Variants in SFI1 observed in about 807,000 individuals in gnomAD.
The protein encoded by SFI1 is SFI1 centrin binding protein.
In SFI1, 195 loss-of-function variants were observed where a neutral mutation model predicts 207.5. That is an observed-to-expected ratio of 0.94 (90% confidence interval 0.84 to 1.06). The LOEUF is 1.06. SFI1 is among the 50% of genes least tolerant of loss of function. The pLI is 0.00. For missense variants in SFI1, 1,634 were observed against 1,588.0 expected (o/e 1.03, Z -0.49); for synonymous variants, 630 against 598.9 (o/e 1.05, Z -0.76).
intron 4 of SFI1, among the ~76,000 whole-genome samples, chr22:31,531,531 G>A (rs1247346394): frequency 3.3e-5 from 5 of 152,110 alleles, no homozygotes; most frequent in Admixed American, 6.6e-5. Context: ...AGGCCGAGGC[G>A]GGTGAATCAT....
intron 11 of SFI1, 70 bp from the exon 12 acceptor site, chr22:31,580,202 C>G (rs1447887040): frequency 8.0e-7 from 1 of 1,248,692 alleles, no homozygotes; most frequent in East Asian, 2.4e-5. Flanking sequence ...TGTTTGCCTT[C>G]CTCTACTCTT....
chr22:31,500,404 C>T (rs187388020), intron 1 of SFI1, among the ~76,000 whole-genome samples: 33 of 152,162 alleles, frequency 2.2e-4, no homozygotes, highest in Middle Eastern at 6.8e-3. Flanking sequence ...AATATTACAA[C>T]TCACTGAAGA....
chr22:31,613,664 G>A lies in SFI1; in HGVS notation c.2805G>A (p.Leu935=), dbSNP rs771472550. 1.2e-6 allele frequency: 2 copies of A among 1,608,354 alleles called. No homozygotes were observed. The highest frequency in any genetic ancestry group is 2.2e-5 in the East Asian group (1 of 44,804). Residue 935 remains leucine (L), a synonymous_variant, in exon 27 of 33, where the codon CTG becomes CTA. Coordinates refer to ENST00000400288, the MANE Select transcript of SFI1 (RefSeq NM_001007467.3). The part of the protein sequence containing the change: ...RCATLWKQKV[L]GRGGKPQPLA... ...CCACGCTCTGGAAACAGAAAGTGCT[G>A]GGCCGGGGCGGGAAGCCTCAGCCCC...
Position 31,614,792 on chromosome 22 carries a change from C to T in SFI1, c.3000C>T (p.Asn1000=). 6.2e-7 allele frequency: 1 copy of T among 1,613,894 alleles called. No individual in the cohort carries two copies. ...CAGACCCCATGTTTCTTTCCAGCAA[C>T]ACTGCCCACTCAGCGAGGAAGCAGC... ...AAEEPHALEL[N]TAHSARKQPR... Residue 1000 remains asparagine (N), a synonymous_variant, in exon 28 of 33, where the codon AAC becomes AAT. Coordinates refer to ENST00000400288, the MANE Select transcript of SFI1 (RefSeq NM_001007467.3).
chr22:31,603,915 C>T, intron 18 of SFI1, 96 bp downstream of exon 18: 1 of 1,133,376 alleles, frequency 8.8e-7, no homozygotes, highest in South Asian at 1.5e-5. Context: ...GCCACACCAC[C>T]TACCTCTGAG....
At chr22:31,513,561 CGTTTTGTTTT>C (rs140696308) in intron 2 of SFI1, among the ~76,000 whole-genome samples, 12 of 146,008 alleles carry the variant, frequency 8.2e-5, no homozygotes, top group Non-Finnish European at 1.0e-4. Context: ...TTTGGTTTTT[CGTTTTGTTTT>C]GTTTTGTTTT....
chr22:31,614,005 C>G, intron 27 of SFI1, 150 bp downstream of exon 27: 2 of 1,075,018 alleles, frequency 1.9e-6, no homozygotes, highest in Non-Finnish European at 2.6e-6. Context: ...CTTCTCCAGC[C>G]AGATCCCATC....
At chr22:31,591,515 A>G (rs1199288632) in intron 15 of SFI1, among the ~76,000 whole-genome samples, 4 of 148,084 alleles carry the variant, frequency 2.7e-5, no homozygotes, top group Non-Finnish European at 6.0e-5. Context: ...GGCCGGGCAG[A>G]GGGGCTCCTC....
In SFI1 at chr22:31,582,610, T is replaced by G. The variant is rs1294600901; in HGVS notation, c.1249-1265T>G. Among the ~76,000 whole-genome samples, 3 of 152,246 alleles carry G rather than the reference T, an allele frequency of 2.0e-5. No individual in the cohort carries two copies. The East Asian group carries it at 5.8e-4, about 29-fold the overall frequency. On this transcript the variant is annotated intron_variant, in intron 12 of 32. Transcript: ENST00000400288. ...CACTTAAACTTTATCACCTTAACCA[T>G]TTTTAAGTGTACAGTTCAGTGACAT...
At chr22:31,597,096 C>CA (rs1465054195) in intron 15 of SFI1, among the ~76,000 whole-genome samples, 3 of 152,202 alleles carry the variant, frequency 2.0e-5, no homozygotes, top group Non-Finnish European at 4.4e-5. Context: ...AAAACATGCA[C>CA]ACACAGTACC....
intron 2 of SFI1, among the ~76,000 whole-genome samples, chr22:31,521,828 A>C (rs910660179): frequency 6.6e-6 from 1 of 151,296 alleles, no homozygotes; most frequent in African/African-American, 2.4e-5. Context: ...CAGTGGCGTG[A>C]TCTTGGCTCA....
chr22:31,558,076 ATT>A (rs992280920), intron 7 of SFI1, among the ~76,000 whole-genome samples: 1 of 152,162 alleles, frequency 6.6e-6, no homozygotes, highest in African/African-American at 2.4e-5. Context: ...TCCAACCTGT[ATT>A]ATTGGGTCAT....
In SFI1 at chr22:31,615,258, CG is replaced by C; in HGVS notation, c.3283del (p.Ala1095ArgfsTer92). On this transcript the variant is annotated frameshift_variant, in exon 29 of 33. Coordinates refer to ENST00000400288, the MANE Select transcript of SFI1 (RefSeq NM_001007467.3). LOFTEE classifies it high-confidence loss of function. ...TGCCTCTTTCCTCCTTCATGCCCTG[CG>C]GGGCGGCTGCACCAGCCAGGGTACG... Reference protein sequence around the residue: ...LLPLSSFMPCGAAAPARVSAQ... With the variant: ...LLPLSSFMPCXAAAPARVSAQ... 1 of 1,506,450 alleles carries C rather than the reference CG, an allele frequency of 6.6e-7. No individual in the cohort carries two copies. The highest frequency in any genetic ancestry group is 8.8e-7 in the Non-Finnish European group (1 of 1,134,872). 93.3% of individuals were successfully genotyped at this position (1,506,450 alleles called of 1,614,324 possible). A position where few individuals can be genotyped will look rare whatever the true frequency, so the allele number is the denominator to read the frequency against.
intron 27 of SFI1, chr22:31,614,331 C>T (rs1449167048): frequency 8.2e-6 from 3 of 363,792 alleles, no homozygotes; most frequent in African/African-American, 6.3e-5. Context: ...CAAACCCTAA[C>T]CTGCCCTGCC....
intron 12 of SFI1, 102 bp downstream of exon 12, chr22:31,580,466 CTT>C (rs984950487): frequency 1.0e-5 from 5 of 493,884 alleles, no homozygotes; most frequent in Non-Finnish European, 1.5e-5. Flanking sequence ...TTTAAAAAAA[CTT>C]TTTGTGCTTC....
At chr22:31,511,725 C>T (rs1018341269) in intron 2 of SFI1, among the ~76,000 whole-genome samples, 10 of 152,088 alleles carry the variant, frequency 6.6e-5, no homozygotes, top group African/African-American at 2.4e-4. Flanking sequence ...GTGATCTTGG[C>T]TCACTGAAGC....
At chr22:31,511,656 T>TTTTG (rs1016856155) in intron 2 of SFI1, among the ~76,000 whole-genome samples, 2 of 151,872 alleles carry the variant, frequency 1.3e-5, no homozygotes, top group Non-Finnish European at 2.9e-5. Flanking sequence ...CCTTTAAGTT[T>TTTTG]TTTGTTTGTT....
At chr22:31,528,356 C>T (rs1279270985) in intron 2 of SFI1, among the ~76,000 whole-genome samples, 1 of 151,790 alleles carries the variant, frequency 6.6e-6, no homozygotes, top group Non-Finnish European at 1.5e-5. Flanking sequence ...CCTGGGAGGT[C>T]GAGGCTGCAG....
intron 4 of SFI1, among the ~76,000 whole-genome samples, chr22:31,536,644 C>G (rs938694262): frequency 4.6e-5 from 7 of 152,186 alleles, no homozygotes; most frequent in African/African-American, 1.2e-4. Flanking sequence ...AACTCCTGAC[C>G]TCAAGTGATC....
Sources: allele counts gnomAD v4.1 joint callset (sites outside exome capture counted in the v4.1 genomes callset), GRCh38; gene constraint gnomAD v4.1.1; transcripts MANE v1.5; gene names NCBI Gene and HGNC (gene_info 2026-07-23, HGNC 2026-07-21).